Variants in CCNJL observed in about 807,000 individuals in gnomAD.
CCNJL encodes cyclin-J-like protein.
CCNJL carries 33 observed loss-of-function variants against 33.4 expected under a neutral mutation model. The observed-to-expected ratio is 0.99, with a 90% CI of 0.75 to 1.32. CCNJL has a LOEUF of 1.32. CCNJL is among the 40% of genes most tolerant of loss of function. The pLI is 0.00. For missense variants in CCNJL, 512 were observed against 499.7 expected, an observed-to-expected ratio of 1.02 and a Z score of -0.23; for synonymous variants, 227 against 220.9, an observed-to-expected ratio of 1.03 and a Z score of -0.24.
intron 1 of CCNJL, among the ~76,000 whole-genome samples, chr5:160,332,957 G>C (rs998174766): frequency 5.9e-5 from 9 of 152,046 alleles, no homozygotes; most frequent in African/African-American, 2.2e-4. Flanking sequence ...CATAGAAGTG[G>C]ATCAGTGAAT....
chr5:160,291,364 C>G (rs889257533), intron 2 of CCNJL, among the ~76,000 whole-genome samples: 1 of 152,144 alleles, frequency 6.6e-6, no homozygotes, highest in African/African-American at 2.4e-5. Flanking sequence ...CACAGTTTGG[C>G]GAAACATCGC....
chr5:160,251,870 C>T lies in CCNJL; in HGVS notation c.*1508G>A, dbSNP rs1242594384. The T allele has an allele frequency of 6.6e-6, 1 of 152,174 alleles. No homozygotes were observed. Among genetic ancestry groups the T allele is most frequent in the African/African-American group, 2.4e-5 (1 of 41,430 alleles). The allele number at this position is 152,174 out of a possible 1,614,324, so 9.4% of individuals were successfully genotyped here. A position where few individuals can be genotyped will look rare whatever the true frequency, so the allele number is the denominator to read the frequency against. On this transcript the variant is annotated 3_prime_UTR_variant, in exon 6 of 6. Transcript: ENST00000257536. The stretch of plus-strand genomic sequence containing the variant: ...CTCCTATGCTAGTGTGACACGGTGG[C>T]AGAGTCTTATCCACACCCCGTCTCT...
chr5:160,284,571 G>A (rs571203502), intron 2 of CCNJL, among the ~76,000 whole-genome samples: 1 of 152,294 alleles, frequency 6.6e-6, no homozygotes, highest in Admixed American at 6.5e-5. Flanking sequence ...GCTCTGGGAG[G>A]CCCCATTGTC....
intron 3 of CCNJL, among the ~76,000 whole-genome samples, chr5:160,266,766 G>A (rs1266054183): frequency 6.6e-6 from 1 of 152,126 alleles, no homozygotes; most frequent in African/African-American, 2.4e-5. Context: ...TTTCTTACAG[G>A]TTCTGAAAAA....
chr5:160,292,038 G>T (rs1359113751), intron 2 of CCNJL, among the ~76,000 whole-genome samples: 1 of 152,020 alleles, frequency 6.6e-6, no homozygotes, highest in African/African-American at 2.4e-5. Flanking sequence ...TTCAAGCCTG[G>T]GCATCACAGT....
chr5:160,335,410 A>G (rs544820848), intron 1 of CCNJL, among the ~76,000 whole-genome samples: 3 of 152,160 alleles, frequency 2.0e-5, no homozygotes, highest in Non-Finnish European at 4.4e-5. Flanking sequence ...ATCCACAAGA[A>G]AGTTGCTAGA....
chr5:160,253,579 C>G lies in CCNJL; in HGVS notation c.963G>C (p.Leu321=), dbSNP rs374113107. ...GGGATGAGCCTGTACTCCCCGAGAG[C>G]AGGCTCCCTGAACGGTGGGCCTGCA... ...DSLQAHRSGS[L]LSGSTGSSLH... is the part of the protein sequence containing the mutation. The change falls in exon 6 of 6, where the codon CTG becomes CTC. Residue 321 remains leucine, a synonymous_variant. Coordinates refer to ENST00000257536, the MANE Select transcript of CCNJL (RefSeq NM_001308173.3). 1.4e-5 allele frequency: 23 copies of G among 1,614,134 alleles called. No individual in the cohort carries two copies. In the East Asian group the frequency reaches 3.8e-4, roughly 27 times the overall value.
At chr5:160,339,371 A>C (rs1353715506) in intron 1 of CCNJL, 10 of 319,776 alleles carry the variant, frequency 3.1e-5, no homozygotes, top group East Asian at 2.4e-4. Flanking sequence ...AAAAAAAAAA[A>C]CAAAAAAAAA....
chr5:160,302,012 G>A (rs1762940418), intron 2 of CCNJL, among the ~76,000 whole-genome samples: 1 of 152,210 alleles, frequency 6.6e-6, no homozygotes, highest in Non-Finnish European at 1.5e-5. Context: ...TTACAGGCAT[G>A]AGCCACCGTG....
intron 3 of CCNJL, chr5:160,269,411 C>T (rs761755217): frequency 5.7e-5 from 26 of 456,376 alleles, no homozygotes; most frequent in South Asian, 3.1e-4. Flanking sequence ...TCTCCTGTCA[C>T]GAAAGAAGGT....
At chr5:160,288,763 G>A (rs961676319) in intron 2 of CCNJL, among the ~76,000 whole-genome samples, 4 of 150,606 alleles carry the variant, frequency 2.7e-5, no homozygotes, top group African/African-American at 4.9e-5. Flanking sequence ...CCGGGGGGGC[G>A]GAGCTTGCAG....
At chr5:160,299,612 TAAA>T (rs35587377) in intron 2 of CCNJL, among the ~76,000 whole-genome samples, 1 of 144,886 alleles carries the variant, frequency 6.9e-6, no homozygotes. Context: ...GTTGTTATGT[TAAA>T]AAAAAAAAAA....
chr5:160,302,330 A>C (rs992359310), intron 2 of CCNJL, among the ~76,000 whole-genome samples: 19 of 152,174 alleles, frequency 1.2e-4, no homozygotes, highest in African/African-American at 4.6e-4. Flanking sequence ...ACTTGATAGT[A>C]TTTTTGTAAA....
At chr5:160,274,749 C>T (rs1761952938) in intron 3 of CCNJL, 1 of 152,406 alleles carries the variant, frequency 6.6e-6, no homozygotes. Context: ...CCTCACCTTC[C>T]ACTGCTTTTC....
chr5:160,336,642 A>G (rs1763686763), intron 1 of CCNJL, among the ~76,000 whole-genome samples: 1 of 152,238 alleles, frequency 6.6e-6, no homozygotes, highest in Non-Finnish European at 1.5e-5. Flanking sequence ...CAGATGTTTT[A>G]TAGACATCTC....
chr5:160,269,890 G>A lies in CCNJL; in HGVS notation c.281-10119C>T, dbSNP rs568990351. Among the ~76,000 whole-genome samples, 7 of 152,324 alleles carry A rather than the reference G, an allele frequency of 4.6e-5. No homozygotes were observed. The East Asian group carries it at 1.2e-3, about 25-fold the overall frequency. ...CACATCCGAGCTGTATGCTTTTAGG[G>A]AAGTGTCCTAACTTACTGGGCCTCG... On this transcript the variant is annotated intron_variant, in intron 3 of 5. Transcript: ENST00000257536.
chr5:160,279,095 T>C (rs1762119016), intron 3 of CCNJL, among the ~76,000 whole-genome samples: 1 of 152,110 alleles, frequency 6.6e-6, no homozygotes, highest in African/African-American at 2.4e-5. Flanking sequence ...TTCTGAAAAC[T>C]CTAAATCTGT....
intron 1 of CCNJL, among the ~76,000 whole-genome samples, chr5:160,327,733 G>A (rs753620910): frequency 4.6e-5 from 7 of 152,206 alleles, no homozygotes; most frequent in Non-Finnish European, 8.8e-5. Flanking sequence ...AGAGACGCTA[G>A]TAACACCCTC....
rs138268750 is a variant in CCNJL at position 160,320,996 on chromosome 5, T to TTCTCTC, written n.207-5497_207-5492dup. ...TCCCTCCCTCTCTCTCTTTCTTTCT[T>TTCTCTC]TCTCTCTCTCTCTCTCTCTTTCTTT... On this transcript the variant is annotated intron_variant and non_coding_transcript_variant, in intron 1 of 7. Coordinates refer to the CCNJL transcript ENST00000377503. 9.7e-4 allele frequency among the ~76,000 whole-genome samples: 94 copies of TTCTCTC among 97,142 alleles called. 1 individual carries two copies. The highest frequency in any genetic ancestry group is 1.3e-3 in the Non-Finnish European group (59 of 47,060). The allele number at this position is 97,142 out of a possible 152,430, so 63.7% of individuals were successfully genotyped here. A position where few individuals can be genotyped will look rare whatever the true frequency, so the allele number is the denominator to read the frequency against.
Sources: allele counts gnomAD v4.1 joint callset (sites outside exome capture counted in the v4.1 genomes callset), GRCh38; gene constraint gnomAD v4.1.1; transcripts MANE v1.5; gene names NCBI Gene and HGNC (gene_info 2026-07-23, HGNC 2026-07-21).